The following RALY variants were observed in gnomAD, a reference collection of about 807,000 sequenced individuals.
RALY encodes the protein RNA-binding protein Raly.
A neutral mutation model predicts 30.7 loss-of-function variants in RALY; 15 were observed. That is an observed-to-expected ratio of 0.49 (90% confidence interval 0.33 to 0.75). RALY has a LOEUF of 0.75. RALY is among the 30% of genes least tolerant of loss of function. The pLI, the probability that RALY is intolerant of heterozygous loss-of-function variation, is 0.02. For synonymous variants in RALY, 177 were observed against 170.8 expected (o/e 1.04, Z -0.28); for missense variants, 339 against 414.3 (o/e 0.82, Z 1.58).
chr20:34,070,977 G>A (rs756575383), intron 2 of RALY, among the ~76,000 whole-genome samples: 11 of 152,262 alleles, frequency 7.2e-5, no homozygotes, highest in Admixed American at 5.2e-4. Flanking sequence ...AAGTAGACAC[G>A]TCTTCATATG....
chr20:33,998,943 G>T (rs1052529942), intron 1 of RALY, among the ~76,000 whole-genome samples: 12 of 151,774 alleles, frequency 7.9e-5, no homozygotes, highest in African/African-American at 2.9e-4. Flanking sequence ...CCTGGCCAAC[G>T]TGGTGAAACC....
chr20:34,066,188 T>C (rs952027152), intron 2 of RALY, among the ~76,000 whole-genome samples: 5 of 145,528 alleles, frequency 3.4e-5, no homozygotes, highest in Admixed American at 1.3e-4. Flanking sequence ...TTTTTTTTTT[T>C]CATTTATAAA....
intron 1 of RALY, among the ~76,000 whole-genome samples, chr20:34,005,044 C>G (rs1279453397): frequency 2.0e-5 from 3 of 152,020 alleles, no homozygotes; most frequent in Non-Finnish European, 4.4e-5. Context: ...ATAGGGTGGC[C>G]CTGCCTCCTT....
At chr20:34,016,803 G>A (rs1051165872) in intron 1 of RALY, among the ~76,000 whole-genome samples, 3 of 152,256 alleles carry the variant, frequency 2.0e-5, no homozygotes, top group Non-Finnish European at 4.4e-5. Context: ...TGCCTGGGGC[G>A]GGGCATTTTA....
chr20:34,059,252 G>T (rs1350212183), intron 2 of RALY, among the ~76,000 whole-genome samples: 1 of 152,192 alleles, frequency 6.6e-6, no homozygotes, highest in Non-Finnish European at 1.5e-5. Context: ...AAGGATTGTT[G>T]TAATGAGGAA....
In RALY at chr20:34,012,518, C is replaced by G. The variant is rs1467614699; in HGVS notation, c.-93+18387C>G. 2.0e-5 allele frequency among the ~76,000 whole-genome samples: 3 copies of G among 152,132 alleles called. No individual in the cohort carries two copies. The East Asian group carries it at 5.8e-4, about 29-fold the overall frequency. ...CCCTACTTACCCTTTCTTCTGCATC[C>G]TCCCCCACCCGCCATCCTTTGTTTT... is the stretch of plus-strand genomic sequence containing the variant. On this transcript the variant is annotated intron_variant, in intron 1 of 9. Transcript: ENST00000246194.
At chr20:34,029,101 A>G (rs1428775197) in intron 1 of RALY, among the ~76,000 whole-genome samples, 1 of 152,160 alleles carries the variant, frequency 6.6e-6, no homozygotes, top group East Asian at 1.9e-4. Flanking sequence ...TTGTAATGTC[A>G]GTAAGTTTCA....
intron 1 of RALY, chr20:34,017,353 A>G (rs1260963172): frequency 6.6e-6 from 1 of 152,226 alleles, no homozygotes; most frequent in Non-Finnish European, 1.5e-5. Flanking sequence ...TATGCTATTA[A>G]TACATTTCTG....
intron 2 of RALY, among the ~76,000 whole-genome samples, chr20:34,054,898 AATGTTGAGT>A (rs1334552336): frequency 6.6e-6 from 1 of 152,122 alleles, no homozygotes; most frequent in African/African-American, 2.4e-5. Context: ...AACCTTACTC[AATGTTGAGT>A]ATGATATTTT....
chr20:34,030,449 A>G (rs1212313634), intron 1 of RALY, among the ~76,000 whole-genome samples: 3 of 152,236 alleles, frequency 2.0e-5, no homozygotes, highest in Non-Finnish European at 2.9e-5. Context: ...GAACGAATAT[A>G]TAGGGATTTC....
intron 1 of RALY, among the ~76,000 whole-genome samples, chr20:34,011,422 A>G (rs1411755496): frequency 1.3e-5 from 2 of 152,228 alleles, no homozygotes; most frequent in Non-Finnish European, 2.9e-5. Context: ...AAATTTTTAC[A>G]TATCAGACAA....
rs142099984 is a variant in RALY, at chr20:34,056,162, C to A, written c.-9-15904C>A. On this transcript the variant is annotated intron_variant, in intron 2 of 9. Transcript: ENST00000246194. ...GTATCATCGGCATCATTTCTTGTTA[C>A]ATCCTAGACTCTGGGCAAACCACAA... Among the ~76,000 whole-genome samples the A allele has an allele frequency of 1.4e-3, 217 of 152,328 alleles. 2 individuals carry two copies. Among genetic ancestry groups the A allele is most frequent in the Admixed American group, 3.5e-3 (54 of 15,306 alleles).
intron 2 of RALY, among the ~76,000 whole-genome samples, chr20:34,054,019 C>G (rs949642028): frequency 5.9e-5 from 9 of 152,140 alleles, no homozygotes; most frequent in Admixed American, 5.9e-4. Context: ...AACAATGATG[C>G]CAGTGACCCC....
At chr20:34,015,823 G>T (rs548083719) in intron 1 of RALY, among the ~76,000 whole-genome samples, 19 of 152,006 alleles carry the variant, frequency 1.2e-4, no homozygotes, top group Admixed American at 3.9e-4. Flanking sequence ...CATCCCTACA[G>T]GCTCAATGCT....
intron 2 of RALY, chr20:34,049,292 AG>A (rs769912949): frequency 3.6e-4 from 55 of 154,484 alleles, no homozygotes; most frequent in Non-Finnish European, 5.9e-4. Flanking sequence ...ATCTGGGATT[AG>A]GAGTCCTGAG....
intron 1 of RALY, among the ~76,000 whole-genome samples, chr20:34,004,749 A>G (rs1453330543): frequency 6.6e-6 from 1 of 152,346 alleles, no homozygotes; most frequent in South Asian, 2.1e-4. Context: ...GAAGTATATC[A>G]AAAGAGAGTT....
At chr20:34,069,307 TGA>T (rs1158791394) in intron 2 of RALY, among the ~76,000 whole-genome samples, 3 of 152,208 alleles carry the variant, frequency 2.0e-5, no homozygotes, top group African/African-American at 4.8e-5. Context: ...CCCCAAGGAA[TGA>T]GAGAAAAGAC....
chr20:34,060,130 G>A (rs1164379630), intron 2 of RALY, among the ~76,000 whole-genome samples: 1 of 152,096 alleles, frequency 6.6e-6, no homozygotes, highest in African/African-American at 2.4e-5. Context: ...CGCATCCACC[G>A]TGATAGTATT....
chr20:34,041,221 A>G (rs1229114364), intron 2 of RALY, among the ~76,000 whole-genome samples: 2 of 152,246 alleles, frequency 1.3e-5, no homozygotes, highest in African/African-American at 4.8e-5. Context: ...AGGGAAGGAA[A>G]GGGAAAGGGT....
Sources: allele counts gnomAD v4.1 joint callset (sites outside exome capture counted in the v4.1 genomes callset), GRCh38; gene constraint gnomAD v4.1.1; transcripts MANE v1.5; gene names NCBI Gene and HGNC (gene_info 2026-07-23, HGNC 2026-07-21).